Variants in ATRNL1 observed in about 807,000 individuals in gnomAD.
ATRNL1 encodes the protein attractin-like protein 1.
In ATRNL1, 95 loss-of-function variants were observed where a neutral mutation model predicts 182.7. That is an observed-to-expected ratio of 0.52 (90% CI 0.44 to 0.62). ATRNL1 has a LOEUF of 0.62. Among genes scored for constraint, ATRNL1 ranks in the 20% least tolerant of loss-of-function variants. ATRNL1 has a pLI of 0.00. For synonymous variants in ATRNL1, 576 were observed against 568.3 expected (o/e 1.01, Z -0.19); for missense variants, 1,471 against 1,679.5 (o/e 0.88, Z 2.17).
chr10:115,830,628 G>T (rs979345238), intron 27 of ATRNL1, among the ~76,000 whole-genome samples: 1 of 152,108 alleles, frequency 6.6e-6, no homozygotes, highest in African/African-American at 2.4e-5. Flanking sequence ...AGCAGTATCT[G>T]AAAATGTCTT....
chr10:115,660,145 T>C (rs996034872), intron 26 of ATRNL1, among the ~76,000 whole-genome samples: 1 of 152,088 alleles, frequency 6.6e-6, no homozygotes, highest in Non-Finnish European at 1.5e-5. Flanking sequence ...CAATGTATAT[T>C]CACCTGGTGG....
chr10:115,866,435 A>G (rs1951441513), intron 28 of ATRNL1, among the ~76,000 whole-genome samples: 1 of 152,246 alleles, frequency 6.6e-6, no homozygotes, highest in South Asian at 2.1e-4. Context: ...AGTCACTATC[A>G]TAAAAGTATT....
intron 26 of ATRNL1, among the ~76,000 whole-genome samples, chr10:115,681,178 T>C (rs1946034958): frequency 6.6e-6 from 1 of 152,156 alleles, no homozygotes; most frequent in Admixed American, 6.6e-5. Flanking sequence ...ATTTAAAATA[T>C]AACTTTGAAT....
chr10:115,795,332 T>C (rs1949626070), intron 27 of ATRNL1, among the ~76,000 whole-genome samples: 1 of 152,210 alleles, frequency 6.6e-6, no homozygotes, highest in Admixed American at 6.5e-5. Context: ...TTCATTTATC[T>C]GTTCCCATAT....
chr10:115,560,739 T>G (rs530095865), intron 26 of ATRNL1, among the ~76,000 whole-genome samples: 1 of 152,176 alleles, frequency 6.6e-6, no homozygotes, highest in Non-Finnish European at 1.5e-5. Flanking sequence ...AAGCTTACAC[T>G]TCATAAATTC....
At chr10:115,372,423 G>C (rs1400430538) in intron 19 of ATRNL1, among the ~76,000 whole-genome samples, 1 of 152,006 alleles carries the variant, frequency 6.6e-6, no homozygotes, top group Non-Finnish European at 1.5e-5. Flanking sequence ...TTAATTATCT[G>C]TGCTTTTGGG....
At chr10:115,377,773 T>C (rs888870401) in intron 19 of ATRNL1, among the ~76,000 whole-genome samples, 2 of 152,148 alleles carry the variant, frequency 1.3e-5, no homozygotes, top group African/African-American at 4.8e-5. Context: ...TTGAATGGAA[T>C]TGGAGTTGGC....
intron 20 of ATRNL1, among the ~76,000 whole-genome samples, chr10:115,421,581 T>C (rs1420370317): frequency 6.6e-6 from 1 of 152,130 alleles, no homozygotes; most frequent in Non-Finnish European, 1.5e-5. Flanking sequence ...ACAGCTAACA[T>C]CATACCAAAC....
chr10:115,856,449 A>AAAAAAAAC (rs1565439910), intron 28 of ATRNL1, among the ~76,000 whole-genome samples: 1 of 147,860 alleles, frequency 6.8e-6, no homozygotes, highest in African/African-American at 2.5e-5. Flanking sequence ...AAAAAAAAAA[A>AAAAAAAAC]AGCCATACAT....
intron 5 of ATRNL1, among the ~76,000 whole-genome samples, chr10:115,136,790 C>T (rs1554876802): frequency 1.3e-5 from 2 of 152,134 alleles, no homozygotes; most frequent in Non-Finnish European, 2.9e-5. Flanking sequence ...CTTTTCAGCA[C>T]TGAATAATAT....
chr10:115,851,421 C>T (rs1003247380), intron 28 of ATRNL1, among the ~76,000 whole-genome samples: 9 of 152,052 alleles, frequency 5.9e-5, no homozygotes, highest in Non-Finnish European at 7.3e-5. Context: ...CCACCAGCAA[C>T]TGCTTCAGCA....
chr10:115,587,494 A>C (rs1444472730), intron 26 of ATRNL1, among the ~76,000 whole-genome samples: 4 of 151,652 alleles, frequency 2.6e-5, no homozygotes, highest in Non-Finnish European at 5.9e-5. Flanking sequence ...GGAAAAGCGC[A>C]GTATTCAGGT....
At chr10:115,249,436 C>A (rs1267469230) in intron 10 of ATRNL1, among the ~76,000 whole-genome samples, 1 of 152,016 alleles carries the variant, frequency 6.6e-6, no homozygotes, top group African/African-American at 2.4e-5. Flanking sequence ...TTTCCACTTG[C>A]ATTTTTTAAT....
chr10:115,467,353 G>A, intron 23 of ATRNL1, 101 bp downstream of exon 23: 2 of 744,082 alleles, frequency 2.7e-6, no homozygotes, highest in Non-Finnish European at 4.2e-6. Context: ...TTTTAAAAAT[G>A]TTATATGACA....
intron 26 of ATRNL1, among the ~76,000 whole-genome samples, chr10:115,656,242 A>T (rs895313355): frequency 6.6e-6 from 1 of 152,230 alleles, no homozygotes; most frequent in Admixed American, 6.5e-5. Flanking sequence ...CATGACTTAT[A>T]TATATAGCTC....
chr10:115,281,438 C>T lies in ATRNL1; in HGVS notation c.2184C>T (p.Asn728=), dbSNP rs1554916789. Residue 728 remains asparagine (N), a synonymous_variant, in exon 14 of 29, where the codon AAC becomes AAT. Transcript: ENST00000355044. ...KLTSCKSCSL[N]LNCQWDQRQQ... ...CCAGCTGTAAAAGCTGTTCACTAAA[C>T]TTGAATTGCCAGTGGGATCAGAGAC... is the stretch of plus-strand genomic sequence containing the variant. 6.2e-7 allele frequency: 1 copy of T among 1,613,516 alleles called. No homozygotes were observed. The highest frequency in any genetic ancestry group is 8.5e-7 in the Non-Finnish European group (1 of 1,179,686).
At chr10:115,603,827 A>T (rs1318546138) in intron 26 of ATRNL1, among the ~76,000 whole-genome samples, 1 of 152,136 alleles carries the variant, frequency 6.6e-6, no homozygotes, top group Non-Finnish European at 1.5e-5. Flanking sequence ...TAGTGTTTTC[A>T]TTAGTTCAGA....
At chr10:115,885,531 G>A (rs1951923182) in intron 28 of ATRNL1, among the ~76,000 whole-genome samples, 1 of 152,150 alleles carries the variant, frequency 6.6e-6, no homozygotes, top group South Asian at 2.1e-4. Flanking sequence ...AAAAAATAAT[G>A]TTTTCATCTG....
intron 19 of ATRNL1, among the ~76,000 whole-genome samples, chr10:115,377,867 A>T (rs1464878819): frequency 6.6e-6 from 1 of 152,054 alleles, no homozygotes; most frequent in Non-Finnish European, 1.5e-5. Flanking sequence ...AATTCTCTCC[A>T]TTTCCTAGGT....
Sources: gnomAD v4.1 joint callset for allele counts (sites outside exome capture counted in the v4.1 genomes callset) on GRCh38, gnomAD v4.1.1 for gene constraint, MANE v1.5 for transcripts, NCBI Gene and HGNC (gene_info 2026-07-23, HGNC 2026-07-21) for gene names.